The following STARD13 variants were observed in gnomAD, a reference collection of about 807,000 sequenced individuals.
STARD13 encodes stAR-related lipid transfer protein 13.
In STARD13, 62 loss-of-function variants were observed where a neutral mutation model predicts 106.4. The observed-to-expected ratio is 0.58, with a 90% CI of 0.48 to 0.72. STARD13 has a LOEUF of 0.72. STARD13 is among the 30% of genes least tolerant of loss of function. STARD13 has a pLI of 0.00. For synonymous variants in STARD13, 565 were observed against 553.0 expected, an observed-to-expected ratio of 1.02 and a Z score of -0.31; for missense variants, 1,387 against 1,424.0, an observed-to-expected ratio of 0.97 and a Z score of 0.42.
intron 3 of STARD13, among the ~76,000 whole-genome samples, chr13:33,143,385 A>AT (rs1213409143): frequency 6.6e-6 from 1 of 151,202 alleles, no homozygotes; most frequent in Non-Finnish European, 1.5e-5. Context: ...TATAGTATGT[A>AT]TTTTTTGAGT....
the STARD13 span, among the ~76,000 whole-genome samples, chr13:33,577,905 T>G: frequency 6.6e-6 from 1 of 152,008 alleles, no homozygotes. Flanking sequence ...TGAAAGATGC[T>G]GTTAAGATAA....
chr13:33,466,907 C>T, the STARD13 span, among the ~76,000 whole-genome samples: 1 of 152,038 alleles, frequency 6.6e-6, no homozygotes, highest in Admixed American at 6.6e-5. Context: ...AATCCCAATT[C>T]AGAAGGGAAA....
intron 7 of STARD13, among the ~76,000 whole-genome samples, chr13:33,124,590 G>T (rs1428227054): frequency 1.3e-5 from 2 of 152,254 alleles, no homozygotes; most frequent in East Asian, 3.9e-4. Flanking sequence ...TCTAAAGAGA[G>T]ACTGGCCCCA....
chr13:33,250,563 A>C (rs1052196253), intron 1 of STARD13, among the ~76,000 whole-genome samples: 18 of 152,224 alleles, frequency 1.2e-4, no homozygotes, highest in Non-Finnish European at 2.2e-4. Flanking sequence ...TTTTAAAGGC[A>C]TTATTTCATA....
chr13:33,561,138 TC>T, the STARD13 span, among the ~76,000 whole-genome samples: 1 of 151,498 alleles, frequency 6.6e-6, no homozygotes, highest in Non-Finnish European at 1.5e-5. Flanking sequence ...AAAGTATTAA[TC>T]CAGATAACTT....
chr13:33,600,622 C>T, the STARD13 span, among the ~76,000 whole-genome samples: 2 of 151,976 alleles, frequency 1.3e-5, no homozygotes, highest in Non-Finnish European at 2.9e-5. Context: ...GTTAATATTT[C>T]TGCAGGTTTA....
At chr13:33,361,491 T>G in the STARD13 span, among the ~76,000 whole-genome samples, 3 of 152,166 alleles carry the variant, frequency 2.0e-5, no homozygotes, top group South Asian at 4.2e-4. Flanking sequence ...GAGGACCTGG[T>G]CCCCCTAACT....
chr13:33,152,477 T>C (rs1047873662), intron 3 of STARD13, among the ~76,000 whole-genome samples: 3 of 151,822 alleles, frequency 2.0e-5, no homozygotes, highest in African/African-American at 7.3e-5. Flanking sequence ...TGTCTTTTAC[T>C]TAAAGAACTC....
intron 1 of STARD13, chr13:33,279,445 T>A (rs553894139): frequency 6.6e-6 from 1 of 152,306 alleles, no homozygotes; most frequent in East Asian, 1.9e-4. Flanking sequence ...AAAAAATGAA[T>A]TTTTATTTAC....
the STARD13 span, among the ~76,000 whole-genome samples, chr13:33,581,667 A>G: frequency 1.3e-5 from 2 of 152,190 alleles, no homozygotes; most frequent in Non-Finnish European, 2.9e-5. Flanking sequence ...GGGAGGAATT[A>G]TTATTTTTTG....
intron 1 of STARD13, among the ~76,000 whole-genome samples, chr13:33,218,956 C>T (rs1285817360): frequency 2.0e-5 from 3 of 152,130 alleles, no homozygotes; most frequent in Middle Eastern, 3.4e-3. Context: ...TAAAGGAGAA[C>T]CTAAAGGTAA....
upstream of STARD13, among the ~76,000 whole-genome samples, chr13:33,351,519 C>T (rs749316906): frequency 1.3e-5 from 2 of 152,154 alleles, no homozygotes; most frequent in Non-Finnish European, 2.9e-5. Flanking sequence ...TCTCAGGCCT[C>T]GGGGTGTCCT....
chr13:33,237,181 T>C (rs1889234072), intron 1 of STARD13, among the ~76,000 whole-genome samples: 3 of 152,182 alleles, frequency 2.0e-5, no homozygotes, highest in Admixed American at 6.5e-5. Context: ...TCAGCCCCAC[T>C]CCTGGAACTT....
At chr13:33,652,678 T>G in the STARD13 span, among the ~76,000 whole-genome samples, 1 of 152,190 alleles carries the variant, frequency 6.6e-6, no homozygotes, top group Non-Finnish European at 1.5e-5. Context: ...ATATCTGGTT[T>G]TAATTTCAAT....
the STARD13 span, among the ~76,000 whole-genome samples, chr13:33,591,275 T>C: frequency 4.9e-3 from 753 of 152,338 alleles, 7 homozygotes; most frequent in Non-Finnish European, 6.1e-3. Flanking sequence ...GCCACGTTTA[T>C]TAAAGAAAAC....
chr13:33,244,054 C>G (rs1889700854), intron 1 of STARD13, among the ~76,000 whole-genome samples: 1 of 147,040 alleles, frequency 6.8e-6, no homozygotes, highest in Non-Finnish European at 1.5e-5. Flanking sequence ...ATCCAAAATG[C>G]TTCAAAATCT....
the STARD13 span, among the ~76,000 whole-genome samples, chr13:33,621,332 G>T: frequency 6.6e-6 from 1 of 152,010 alleles, no homozygotes; most frequent in African/African-American, 2.4e-5. Context: ...TTTGATAATA[G>T]ATAAAATTAA....
chr13:33,618,696 A>C, the STARD13 span, among the ~76,000 whole-genome samples: 1 of 152,044 alleles, frequency 6.6e-6, no homozygotes, highest in Non-Finnish European at 1.5e-5. Context: ...CCATCATTGA[A>C]CAGCAGGGGA....
At chr13:33,529,771 G>A in the STARD13 span, among the ~76,000 whole-genome samples, 1 of 152,070 alleles carries the variant, frequency 6.6e-6, no homozygotes, top group Non-Finnish European at 1.5e-5. Flanking sequence ...AGTATTTCAG[G>A]GGATGGGAAT....
Sources: allele counts gnomAD v4.1 joint callset (sites outside exome capture counted in the v4.1 genomes callset), GRCh38; gene constraint gnomAD v4.1.1; transcripts MANE v1.5; gene names NCBI Gene and HGNC (gene_info 2026-07-23, HGNC 2026-07-21).